The following IFT56 variants were observed in gnomAD, a reference collection of about 807,000 sequenced individuals.
IFT56 encodes the protein intraflagellar transport 56.
chr7:139,147,337 TTTC>T, the IFT56 span: 2 of 1,516,706 alleles, frequency 1.3e-6, no homozygotes, highest in Non-Finnish European at 1.8e-6. Flanking sequence ...ATTTTGTTAG[TTTC>T]TTCTTTAACT....
chr7:139,147,419 G>C, the IFT56 span: 1 of 799,522 alleles, frequency 1.3e-6, no homozygotes, highest in Non-Finnish European at 1.9e-6. Flanking sequence ...TTGATAATTT[G>C]GTGAGATTAA....
chr7:139,148,161 G>A, the IFT56 span: 501 of 1,526,828 alleles, frequency 3.3e-4, 1 homozygote, highest in Middle Eastern at 5.9e-3. Flanking sequence ...TGACATTTCC[G>A]TGAAGTAGAC....
chr7:139,141,075 A>G, the IFT56 span, among the ~76,000 whole-genome samples: 2 of 151,528 alleles, frequency 1.3e-5, no homozygotes, highest in Non-Finnish European at 2.9e-5. Context: ...CCTGGCTAAC[A>G]TGGTGAAACC....
chr7:139,178,365 T>A, the IFT56 span: 27 of 1,500,716 alleles, frequency 1.8e-5, no homozygotes, highest in Non-Finnish European at 2.3e-5. Flanking sequence ...TCAGAGAAGA[T>A]AAGATACCCT....
At chr7:139,160,909 A>G in the IFT56 span, 3 of 1,516,408 alleles carry the variant, frequency 2.0e-6, no homozygotes, top group Admixed American at 3.4e-5. Context: ...AGAACTATAC[A>G]CTTGTCATTT....
chr7:139,148,110 T>G, the IFT56 span: 1 of 1,161,082 alleles, frequency 8.6e-7, no homozygotes, highest in Admixed American at 2.1e-5. Context: ...GGCAGGTTCA[T>G]GAACTGTCCT....
the IFT56 span, among the ~76,000 whole-genome samples, chr7:139,144,897 A>C: frequency 6.6e-6 from 1 of 152,164 alleles, no homozygotes; most frequent in African/African-American, 2.4e-5. Context: ...TAATTCCAAT[A>C]GTGTATCTCT....
chr7:139,168,604 A>G, the IFT56 span: 3 of 548,624 alleles, frequency 5.5e-6, no homozygotes, highest in African/African-American at 3.8e-5. Flanking sequence ...TTGTAACCCT[A>G]AAGACTCCTG....
the IFT56 span, among the ~76,000 whole-genome samples, chr7:139,163,403 A>T: frequency 6.6e-6 from 1 of 152,116 alleles, no homozygotes; most frequent in Non-Finnish European, 1.5e-5. Flanking sequence ...TCTTGTAGGC[A>T]TCCGTGTCAA....
At chr7:139,171,803 G>A in the IFT56 span, among the ~76,000 whole-genome samples, 254 of 152,216 alleles carry the variant, frequency 1.7e-3, 2 homozygotes, top group African/African-American at 5.9e-3. Context: ...TTATGTTGTT[G>A]TTCTTGTTTT....
the IFT56 span, chr7:139,172,532 T>G: frequency 1.8e-5 from 9 of 497,576 alleles, no homozygotes; most frequent in Admixed American, 4.9e-5. Flanking sequence ...TGCCCGGAGA[T>G]TCTTGCTGCT....
At chr7:139,176,359 T>TA in the IFT56 span, among the ~76,000 whole-genome samples, 15 of 151,688 alleles carry the variant, frequency 9.9e-5, no homozygotes, top group East Asian at 3.9e-4. Flanking sequence ...CCACAAAAAT[T>TA]AAAAAAAATA....
chr7:139,150,332 C>G, the IFT56 span, among the ~76,000 whole-genome samples: 1 of 152,114 alleles, frequency 6.6e-6, no homozygotes, highest in African/African-American at 2.4e-5. Flanking sequence ...GCCTTTCTAC[C>G]TAGAGTCAGT....
chr7:139,169,214 T>C, the IFT56 span: 7 of 1,272,648 alleles, frequency 5.5e-6, no homozygotes, highest in African/African-American at 7.5e-5. Flanking sequence ...CTGACAAATA[T>C]GTTAGAACCA....
At chr7:139,185,455 T>A in the IFT56 span, among the ~76,000 whole-genome samples, 9 of 152,070 alleles carry the variant, frequency 5.9e-5, no homozygotes, top group Non-Finnish European at 8.8e-5. Flanking sequence ...ATAAAAAAAT[T>A]TTTTAAATGA....
chr7:139,144,066 A>G, the IFT56 span, among the ~76,000 whole-genome samples: 2 of 152,074 alleles, frequency 1.3e-5, no homozygotes, highest in African/African-American at 4.8e-5. Flanking sequence ...GTTAATATTC[A>G]TTTATAATTA....
At chr7:139,189,486 C>A in the IFT56 span, 1 of 1,210,060 alleles carries the variant, frequency 8.3e-7, no homozygotes, top group Non-Finnish European at 1.2e-6. Flanking sequence ...AACTGGAAAT[C>A]ATTTTCACTC....
At chr7:139,176,359 TA>T in the IFT56 span, among the ~76,000 whole-genome samples, 17 of 151,802 alleles carry the variant, frequency 1.1e-4, 1 homozygote, top group South Asian at 3.3e-3. Context: ...CCACAAAAAT[TA>T]AAAAAAATAA....
the IFT56 span, among the ~76,000 whole-genome samples, chr7:139,180,472 G>C: frequency 3.3e-5 from 5 of 152,326 alleles, no homozygotes; most frequent in Non-Finnish European, 7.3e-5. Context: ...CACTTTGGGA[G>C]CTTGAGGCAG....
Sources: allele counts gnomAD v4.1 joint callset (sites outside exome capture counted in the v4.1 genomes callset), GRCh38; gene constraint gnomAD v4.1.1; transcripts MANE v1.5; gene names NCBI Gene and HGNC (gene_info 2026-07-23, HGNC 2026-07-21).